Variants in BRWD1 observed in about 807,000 individuals in gnomAD.
BRWD1 encodes the protein bromodomain and WD repeat-containing protein 1.
In BRWD1, 82 loss-of-function variants were observed where a neutral mutation model predicts 251.2. The observed-to-expected ratio is 0.33, with a 90% CI of 0.27 to 0.39. The LOEUF is 0.39. BRWD1 is among the 10% of genes least tolerant of loss of function. BRWD1 has a pLI of 1.00. For missense variants in BRWD1, 2,233 were observed against 2,711.6 expected (o/e 0.82, Z 3.92); for synonymous variants, 918 against 902.8 (o/e 1.02, Z -0.30).
Position 39,193,377 on chromosome 21 carries a change from C to T in BRWD1, c.*2882G>A, listed in dbSNP as rs1409882865. 4.0e-5 allele frequency: 39 copies of T among 984,674 alleles called. No homozygotes were observed. Among genetic ancestry groups the T allele is most frequent in the South Asian group, 1.9e-4 (4 of 21,284 alleles). 61.0% of individuals were successfully genotyped at this position (984,674 alleles called of 1,614,324 possible). A position where few individuals can be genotyped will look rare whatever the true frequency, so the allele number is the denominator to read the frequency against. On this transcript the variant is annotated 3_prime_UTR_variant, in exon 41 of 41. Transcript: ENST00000342449. ...TATGGGATAAACTTTTCCTTTTATT[C>T]ATAAGTTACTTCACATTGTAAGTAT...
Position 39,219,685 on chromosome 21 carries a change from T to C in BRWD1, c.3383-1025A>G, listed in dbSNP as rs139371376. ...TTCCTGCAAACATACACACAAGTTTTATATAGAGCATTCTTTGGGAATGCT... is the reference window on the plus strand; with the variant it reads ...TTCCTGCAAACATACACACAAGTTTCATATAGAGCATTCTTTGGGAATGCT... On this transcript the variant is annotated intron_variant, in intron 29 of 40. Transcript: ENST00000342449. 191 of 152,324 alleles carry C rather than the reference T, an allele frequency of 1.3e-3. 1 individual carries two copies. The highest frequency in any genetic ancestry group is 4.0e-3 in the African/African-American group (167 of 41,576). 9.4% of individuals were successfully genotyped at this position (152,324 alleles called of 1,614,324 possible). A position where few individuals can be genotyped will look rare whatever the true frequency, so the allele number is the denominator to read the frequency against.
rs2031757552 is a variant in BRWD1, at chr21:39,195,355, CTATT to C, written c.*900_*903del. ...AAATACTCTTTTAGCCCTGTACACT[CTATT>C]AAAGAACACACTTCTAAATCTAAGG... On this transcript the variant is annotated 3_prime_UTR_variant, in exon 41 of 41. Coordinates refer to ENST00000342449, the MANE Select transcript of BRWD1 (RefSeq NM_033656.4). The C allele has an allele frequency of 2.0e-6, 2 of 986,522 alleles. No homozygotes were observed. Among genetic ancestry groups the C allele is most frequent in the Non-Finnish European group, 2.4e-6 (2 of 830,402 alleles). 61.1% of individuals were successfully genotyped at this position (986,522 alleles called of 1,614,324 possible). A position where few individuals can be genotyped will look rare whatever the true frequency, so the allele number is the denominator to read the frequency against.
At chr21:39,238,777 A>ATCTT (rs1344300705) in intron 21 of BRWD1, among the ~76,000 whole-genome samples, 1 of 152,258 alleles carries the variant, frequency 6.6e-6, no homozygotes, top group African/African-American at 2.4e-5. Context: ...ACAAAAAGAG[A>ATCTT]ACATCCGTAA....
chr21:39,313,163 C>A (rs2036570555), intron 2 of BRWD1, 62 bp from the exon 3 acceptor site: 1 of 1,494,458 alleles, frequency 6.7e-7, no homozygotes, highest in Non-Finnish European at 8.9e-7. Flanking sequence ...CGTTTCACCC[C>A]CGCCCACCAC....
intron 27 of BRWD1, among the ~76,000 whole-genome samples, chr21:39,226,129 TTTC>T (rs1198602343): frequency 6.6e-6 from 1 of 152,162 alleles, no homozygotes; most frequent in Non-Finnish European, 1.5e-5. Context: ...GATAAAAATA[TTTC>T]TTCATACAAA....
rs546258664 is a variant in BRWD1, at chr21:39,240,950, G to C, written c.2482-2377C>G. On this transcript the variant is annotated intron_variant, in intron 21 of 40. Transcript: ENST00000342449. ...GAGTTTCACTCTGTCACCCAGGCTGGAGGGCAGTGGCACTGTCTCGGCTCA... is the reference window on the plus strand; with the variant it reads ...GAGTTTCACTCTGTCACCCAGGCTGCAGGGCAGTGGCACTGTCTCGGCTCA... Among the ~76,000 whole-genome samples, 23 of 151,752 alleles carry C rather than the reference G, an allele frequency of 1.5e-4. 1 individual carries two copies. The South Asian group carries it at 4.8e-3, about 32-fold the overall frequency.
intron 17 of BRWD1, among the ~76,000 whole-genome samples, chr21:39,260,907 C>T (rs1416909244): frequency 6.6e-6 from 1 of 152,172 alleles, no homozygotes; most frequent in Non-Finnish European, 1.5e-5. Context: ...GTAATGAGGT[C>T]TCATCAATTA....
intron 23 of BRWD1, among the ~76,000 whole-genome samples, chr21:39,233,797 A>T (rs1003256776): frequency 6.6e-6 from 1 of 152,222 alleles, no homozygotes; most frequent in African/African-American, 2.4e-5. Context: ...AGGCAGGTGG[A>T]TCACTTGAGG....
At chr21:39,235,154 C>G (rs1419692099) in intron 23 of BRWD1, among the ~76,000 whole-genome samples, 1 of 152,106 alleles carries the variant, frequency 6.6e-6, no homozygotes, top group Non-Finnish European at 1.5e-5. Context: ...GAAGCTGAGG[C>G]AGGATAATCA....
At chr21:39,211,529 AC>A (rs1458533635) in intron 34 of BRWD1, among the ~76,000 whole-genome samples, 1 of 152,172 alleles carries the variant, frequency 6.6e-6, no homozygotes, top group Non-Finnish European at 1.5e-5. Flanking sequence ...AGGTGAGGAC[AC>A]CCACTAGAAG....
chr21:39,211,034 A>G, intron 34 of BRWD1, 105 bp from the exon 35 acceptor site: 8 of 1,171,244 alleles, frequency 6.8e-6, no homozygotes, highest in Non-Finnish European at 9.4e-6. Context: ...ATAATGTCAT[A>G]TATGTTGCTC....
intron 4 of BRWD1, among the ~76,000 whole-genome samples, chr21:39,308,197 G>A (rs1221077215): frequency 2.0e-5 from 3 of 152,208 alleles, no homozygotes; most frequent in Non-Finnish European, 2.9e-5. Flanking sequence ...AGAAGCAAAA[G>A]TAGGCCTGGC....
At position 39,296,350 on chromosome 21, in the gene BRWD1, T is replaced by C; in HGVS notation, c.363A>G (p.Thr121=). ...LLRTAKDCRH[T]VWKGSAFAAL... ...CAGCAAAGGCAGAGCCCTTCCAAAC[T>C]GTGTGCCTGCAGTCTTTAAAATGAA... Residue 121 remains threonine, a synonymous_variant, in exon 6 of 41, where the codon ACA becomes ACG. Transcript: ENST00000342449. 6.3e-7 allele frequency: 1 copy of C among 1,584,378 alleles called. No homozygotes were observed. The highest frequency in any genetic ancestry group is 2.3e-5 in the East Asian group (1 of 43,600).
intron 4 of BRWD1, among the ~76,000 whole-genome samples, chr21:39,306,305 G>T (rs899604943): frequency 2.6e-5 from 4 of 152,056 alleles, no homozygotes; most frequent in African/African-American, 9.7e-5. Context: ...TCTTGACCTT[G>T]TGATCCACCC....
At chr21:39,271,283 CTACGT>C (rs1276984283) in intron 13 of BRWD1, among the ~76,000 whole-genome samples, 2 of 152,014 alleles carry the variant, frequency 1.3e-5, no homozygotes, top group Non-Finnish European at 2.9e-5. Context: ...CAGAGCAAGA[CTACGT>C]TCTCAAAAAA....
intron 14 of BRWD1, 82 bp from the exon 15 acceptor site, chr21:39,270,115 A>G: frequency 7.8e-7 from 1 of 1,290,248 alleles, no homozygotes; most frequent in Non-Finnish European, 1.0e-6. Context: ...GTTACAGCAT[A>G]TACTTTTAGA....
intron 25 of BRWD1, among the ~76,000 whole-genome samples, chr21:39,231,551 T>C (rs995169770): frequency 1.3e-5 from 2 of 152,170 alleles, no homozygotes; most frequent in Non-Finnish European, 2.9e-5. Flanking sequence ...TTCTGCTTGT[T>C]TTCCAAATTA....
intron 21 of BRWD1, among the ~76,000 whole-genome samples, chr21:39,239,045 T>C (rs539209978): frequency 2.0e-5 from 3 of 152,292 alleles, no homozygotes; most frequent in African/African-American, 7.2e-5. Context: ...GCCTTCTTAT[T>C]GCTTGGTTTT....
At chr21:39,206,884 T>A (rs1601266836) in intron 36 of BRWD1, among the ~76,000 whole-genome samples, 1 of 152,262 alleles carries the variant, frequency 6.6e-6, no homozygotes, top group African/African-American at 2.4e-5. Flanking sequence ...TGTACAGAAC[T>A]ACTCTATCCT....
Sources: gnomAD v4.1 joint callset for allele counts (sites outside exome capture counted in the v4.1 genomes callset) on GRCh38, gnomAD v4.1.1 for gene constraint, MANE v1.5 for transcripts, NCBI Gene and HGNC (gene_info 2026-07-23, HGNC 2026-07-21) for gene names.